ACTN1: variants seen among roughly 807,000 people sequenced by gnomAD.
The protein encoded by ACTN1 is actinin alpha 1.
A neutral mutation model predicts 119.6 loss-of-function variants in ACTN1; 30 were observed. The observed-to-expected ratio is 0.25, with a 90% CI of 0.19 to 0.34. The LOEUF is 0.34. Ranked by LOEUF, ACTN1 falls within the 10% of genes least tolerant of loss-of-function variation. ACTN1 has a pLI of 1.00. For synonymous variants in ACTN1, 429 were observed against 472.6 expected (o/e 0.91, Z 1.20); for missense variants, 764 against 1,223.4 (o/e 0.62, Z 5.60).
intron 1 of ACTN1, among the ~76,000 whole-genome samples, chr14:68,928,901 C>T (rs1266443644): frequency 6.6e-6 from 1 of 152,164 alleles, no homozygotes; most frequent in African/African-American, 2.4e-5. Context: ...CTCTTTTTTG[C>T]ACCGGTGCTG....
At chr14:68,947,740 C>A (rs1410315287) in intron 1 of ACTN1, among the ~76,000 whole-genome samples, 1 of 152,218 alleles carries the variant, frequency 6.6e-6, no homozygotes, top group East Asian at 1.9e-4. Flanking sequence ...TATTTTCTGT[C>A]CCCAAATATG....
At chr14:68,949,521 C>A (rs553778694) in intron 1 of ACTN1, among the ~76,000 whole-genome samples, 3 of 152,310 alleles carry the variant, frequency 2.0e-5, no homozygotes, top group African/African-American at 4.8e-5. Context: ...CTCTGCTGAC[C>A]TGTCAACACT....
intron 8 of ACTN1, among the ~76,000 whole-genome samples, chr14:68,898,120 C>T (rs1270724927): frequency 2.6e-5 from 4 of 152,200 alleles, no homozygotes; most frequent in Admixed American, 2.6e-4. Context: ...CAGCCACTGC[C>T]GGCTCCTTTT....
At chr14:68,892,922 C>T (rs78746566) in intron 9 of ACTN1, among the ~76,000 whole-genome samples, 2,451 of 152,210 alleles carry the variant, frequency 0.016, 64 homozygotes, top group Non-Finnish European at 0.018. Context: ...TGAATCACCA[C>T]AGAAACACTA....
chr14:68,922,943 A>G (rs1594819621), intron 2 of ACTN1, among the ~76,000 whole-genome samples: 1 of 152,158 alleles, frequency 6.6e-6, no homozygotes, highest in Non-Finnish European at 1.5e-5. Flanking sequence ...CCCATCTCCA[A>G]CGATGATCAG....
chr14:68,929,980 A>T (rs2035145141), intron 1 of ACTN1, among the ~76,000 whole-genome samples: 1 of 152,256 alleles, frequency 6.6e-6, no homozygotes, highest in Non-Finnish European at 1.5e-5. Flanking sequence ...CTGGCCATGG[A>T]GACAGAATCA....
At chr14:68,931,581 C>T (rs753507299) in intron 1 of ACTN1, among the ~76,000 whole-genome samples, 4 of 152,144 alleles carry the variant, frequency 2.6e-5, no homozygotes, top group East Asian at 1.9e-4. Context: ...GTGGATTCTA[C>T]GGCAAGATGG....
intron 1 of ACTN1, among the ~76,000 whole-genome samples, chr14:68,938,092 G>A (rs947586272): frequency 8.5e-5 from 13 of 152,200 alleles, no homozygotes; most frequent in African/African-American, 2.7e-4. Flanking sequence ...GTTCTGGCAT[G>A]GTAAATAGGA....
rs1340405521 is a variant in ACTN1 at position 68,878,712 on chromosome 14, AG to A, written c.2362-190del. Reference sequence around the variant, plus strand: ...CACATCGGTGGAAATGTCCAAAGACAGGAGGAAGACAGAGCAGGGAGATGCA... The same window carrying A: ...CACATCGGTGGAAATGTCCAAAGACAGAGGAAGACAGAGCAGGGAGATGCA... On this transcript the variant is annotated intron_variant, in intron 19 of 21. Coordinates refer to ENST00000394419, the MANE Select transcript of ACTN1 (RefSeq NM_001130004.2). The surrounding 1 kb of genome is among the most constrained non-coding windows in gnomAD (Gnocchi z 4.4). The A allele has an allele frequency of 1.3e-6, 2 of 1,536,978 alleles. No homozygotes were observed. The highest frequency in any genetic ancestry group is 4.9e-5 in the East Asian group (2 of 40,820).
At chr14:68,941,944 A>T (rs1217232835) in intron 1 of ACTN1, among the ~76,000 whole-genome samples, 1 of 152,246 alleles carries the variant, frequency 6.6e-6, no homozygotes, top group East Asian at 1.9e-4. Context: ...CCAATGCCAC[A>T]GCGCCACCCA....
At chr14:68,939,469 G>C (rs2035690001) in intron 1 of ACTN1, among the ~76,000 whole-genome samples, 1 of 152,160 alleles carries the variant, frequency 6.6e-6, no homozygotes, top group South Asian at 2.1e-4. Context: ...GATAAAATGA[G>C]CCTGCAGCCC....
chr14:68,922,878 T>A (rs977151853), intron 2 of ACTN1, among the ~76,000 whole-genome samples: 2 of 152,210 alleles, frequency 1.3e-5, no homozygotes, highest in African/African-American at 4.8e-5. Context: ...GGACCACACT[T>A]TGAGAACCTC....
chr14:68,918,539 C>T (rs1071806), intron 3 of ACTN1, among the ~76,000 whole-genome samples: 22,815 of 150,974 alleles, frequency 0.15, 1,954 homozygotes, highest in South Asian at 0.24. Context: ...GAGTCAAGAT[C>T]GCCCCTCTAC....
chr14:68,918,164 C>A (rs1322630903), intron 3 of ACTN1, among the ~76,000 whole-genome samples: 1 of 152,088 alleles, frequency 6.6e-6, no homozygotes, highest in Admixed American at 6.6e-5. Context: ...GGTGAATGAC[C>A]TTCCCAGCAC....
intron 3 of ACTN1, among the ~76,000 whole-genome samples, chr14:68,914,073 T>G (rs2034154625): frequency 6.6e-6 from 1 of 151,602 alleles, no homozygotes; most frequent in Admixed American, 6.6e-5. Flanking sequence ...AATACAAAAA[T>G]TAAACAGGCA....
In ACTN1 at chr14:68,892,065, G is replaced by A; in HGVS notation, c.1074C>T (p.Gly358=). 6.2e-7 allele frequency: 1 copy of A among 1,613,742 alleles called. No individual in the cohort carries two copies. The highest frequency in any genetic ancestry group is 8.5e-7 in the Non-Finnish European group (1 of 1,179,976). ...SNRPAFMPSE[G]RMVSDINNAW... is the part of the protein sequence containing the mutation. The stretch of plus-strand genomic sequence containing the variant: ...CCCCAGTGCTCACCGAGACCATCCT[G>A]CCCTCAGAGGGCATGAAGGCAGGCC... Residue 358 remains glycine (G), a synonymous_variant, in exon 10 of 22, where the codon GGC becomes GGT. Coordinates refer to ENST00000394419, the MANE Select transcript of ACTN1 (RefSeq NM_001130004.2).
intron 1 of ACTN1, among the ~76,000 whole-genome samples, chr14:68,950,477 T>TATATATATATAA (rs1349794768): frequency 2.1e-5 from 3 of 144,798 alleles, no homozygotes; most frequent in Non-Finnish European, 4.4e-5. Flanking sequence ...TATATATATA[T>TATATATATATAA]AAATCAAACA....
At chr14:68,944,961 C>T (rs921745399) in intron 1 of ACTN1, among the ~76,000 whole-genome samples, 7 of 151,120 alleles carry the variant, frequency 4.6e-5, no homozygotes, top group African/African-American at 1.7e-4. Context: ...GGTCACCCTA[C>T]GCGTGTGTGG....
At chr14:68,896,483 G>A (rs1294974067) in intron 8 of ACTN1, among the ~76,000 whole-genome samples, 3 of 152,128 alleles carry the variant, frequency 2.0e-5, no homozygotes, top group East Asian at 1.9e-4. Context: ...CCCCATCACC[G>A]CAAACTCCTG....
Sources: gnomAD v4.1 joint callset for allele counts (sites outside exome capture counted in the v4.1 genomes callset) on GRCh38, gnomAD v4.1.1 for gene constraint, Gnocchi (gnomAD v3.1) non-coding constraint, MANE v1.5 for transcripts, NCBI Gene and HGNC (gene_info 2026-07-23, HGNC 2026-07-21) for gene names.